Variants in RBBP8 observed in about 807,000 individuals in gnomAD.
The protein encoded by RBBP8 is DNA endonuclease RBBP8.
Under a neutral mutation model 108.3 loss-of-function variants are expected in RBBP8, and 88 were observed. That is an observed-to-expected ratio of 0.81 (90% CI 0.68 to 0.97). RBBP8 has a LOEUF of 0.97. RBBP8 is among the 50% of genes least tolerant of loss of function. The pLI is 0.00. For missense variants in RBBP8, 1,023 were observed against 1,049.0 expected (o/e 0.98, Z 0.34); for synonymous variants, 332 against 348.2 (o/e 0.95, Z 0.52).
At chr18:22,924,575 C>G (rs561986622) in intron 3 of RBBP8, among the ~76,000 whole-genome samples, 6 of 152,138 alleles carry the variant, frequency 3.9e-5, no homozygotes, top group Admixed American at 6.5e-5. Flanking sequence ...GCATACACAC[C>G]GTACCTGGCT....
intron 6 of RBBP8, among the ~76,000 whole-genome samples, chr18:22,976,609 T>A (rs1174236662): frequency 6.6e-6 from 1 of 152,134 alleles, no homozygotes; most frequent in Non-Finnish European, 1.5e-5. Flanking sequence ...TGTATATATG[T>A]TCTGTATTAC....
intron 2 of RBBP8, among the ~76,000 whole-genome samples, chr18:22,940,156 C>A (rs1205998398): frequency 6.6e-6 from 1 of 151,882 alleles, no homozygotes; most frequent in Non-Finnish European, 1.5e-5. Context: ...GACTTTAGGA[C>A]AGATTTCTCT....
chr18:22,937,025 T>C, intron 2 of RBBP8, 65 bp downstream of exon 2: 1 of 1,601,514 alleles, frequency 6.2e-7, no homozygotes, highest in East Asian at 2.2e-5. Flanking sequence ...TTGTATACCT[T>C]TGTATGACAG....
chr18:22,971,790 C>T (rs1406254690), intron 5 of RBBP8, among the ~76,000 whole-genome samples: 11 of 151,406 alleles, frequency 7.3e-5, no homozygotes, highest in African/African-American at 2.4e-4. Context: ...GGATTACAGG[C>T]GCCCACCACC....
chr18:22,949,834 CT>C, intron 4 of RBBP8, 121 bp downstream of exon 4: 1 of 704,376 alleles, frequency 1.4e-6, no homozygotes, highest in East Asian at 2.6e-5. Context: ...CTTCTCTCAC[CT>C]TTGAATGAAT....
chr18:22,916,959 GT>G (rs1046515932), exon 3 of RBBP8: 1 of 152,084 alleles, frequency 6.6e-6, no homozygotes, highest in African/African-American at 2.4e-5. Context: ...GGAAAATTTT[GT>G]TATGAAGACA....
At chr18:22,958,340 T>C (rs1246994634) in intron 4 of RBBP8, among the ~76,000 whole-genome samples, 1 of 152,272 alleles carries the variant, frequency 6.6e-6, no homozygotes, top group Non-Finnish European at 1.5e-5. Flanking sequence ...TTGTTTCTAA[T>C]GTCCAGATGA....
chr18:22,935,463 ATATT>A (rs1332399641), intron 1 of RBBP8, among the ~76,000 whole-genome samples: 6 of 151,732 alleles, frequency 4.0e-5, no homozygotes, highest in African/African-American at 1.4e-4. Flanking sequence ...AATCCAGCTC[ATATT>A]TAGTTTCTGG....
At chr18:23,017,402 C>G (rs1316528252) in intron 17 of RBBP8, among the ~76,000 whole-genome samples, 2 of 147,692 alleles carry the variant, frequency 1.4e-5, no homozygotes, top group African/African-American at 2.5e-5. Context: ...ACCTGTAATC[C>G]CAGCACTTTG....
intron 4 of RBBP8, chr18:22,950,105 C>T (rs1911909215): frequency 5.7e-6 from 1 of 175,714 alleles, no homozygotes; most frequent in African/African-American, 2.4e-5. Flanking sequence ...TTGAGGGAGT[C>T]TAGGGATCTT....
chr18:22,968,669 G>A, intron 4 of RBBP8, 137 bp from the exon 5 acceptor site: 3 of 686,158 alleles, frequency 4.4e-6, no homozygotes, highest in Non-Finnish European at 7.9e-6. Flanking sequence ...ATATGTTAAA[G>A]GTATAATAAC....
At chr18:23,004,056 C>CAAAAAAAAAAAAAAAAAAAAAA (rs34653966) in intron 15 of RBBP8, among the ~76,000 whole-genome samples, 1 of 69,656 alleles carries the variant, frequency 1.4e-5, no homozygotes, top group Non-Finnish European at 3.2e-5. Flanking sequence ...GACCCCGTCT[C>CAAAAAAAAAAAAAAAAAAAAAA]AAAAAAAAAA....
At chr18:22,979,832 A>C (rs937597984) in intron 6 of RBBP8, among the ~76,000 whole-genome samples, 8 of 152,216 alleles carry the variant, frequency 5.3e-5, no homozygotes, top group African/African-American at 1.4e-4. Context: ...CTATTCACTC[A>C]ACAAATGTTT....
chr18:22,936,754 G>T lies in RBBP8; in HGVS notation c.-98G>T. ...TTTATGTTGCAATCTGTCATTTCAGGTATTTGACCTGTCCAAAGACGACTT... is the reference window on the plus strand; with the variant it reads ...TTTATGTTGCAATCTGTCATTTCAGTTATTTGACCTGTCCAAAGACGACTT... On this transcript the variant is annotated splice_region_variant and 5_prime_UTR_variant, in exon 2 of 19. Coordinates refer to ENST00000327155, the MANE Select transcript of RBBP8 (RefSeq NM_002894.3). The T allele has an allele frequency of 7.5e-7, 1 of 1,336,884 alleles. No homozygotes were observed. 82.8% of individuals were successfully genotyped at this position (1,336,884 alleles called of 1,614,324 possible).
chr18:23,014,950 A>G (rs918919719), intron 16 of RBBP8, among the ~76,000 whole-genome samples: 3 of 152,142 alleles, frequency 2.0e-5, no homozygotes, highest in African/African-American at 7.2e-5. Context: ...CAATGGCACA[A>G]TCATTATTCA....
At chr18:22,993,956 C>T (rs1036599797) in intron 12 of RBBP8, 109 bp downstream of exon 12, 3 of 1,145,162 alleles carry the variant, frequency 2.6e-6, no homozygotes, top group Admixed American at 4.2e-5. Flanking sequence ...CTTATTTCTT[C>T]CTTCAGGTGT....
intron 4 of RBBP8, among the ~76,000 whole-genome samples, chr18:22,962,442 G>A (rs1210693997): frequency 5.3e-5 from 8 of 152,064 alleles, no homozygotes; most frequent in Admixed American, 5.2e-4. Context: ...TCACAGTGAA[G>A]TTTTTCTTCA....
intron 6 of RBBP8, among the ~76,000 whole-genome samples, chr18:22,978,321 T>G (rs1386267647): frequency 6.6e-6 from 1 of 152,194 alleles, no homozygotes; most frequent in East Asian, 1.9e-4. Flanking sequence ...GGAGGACAAG[T>G]GTGCATAATT....
At chr18:22,979,040 G>A (rs151098221) in intron 6 of RBBP8, among the ~76,000 whole-genome samples, 146 of 152,292 alleles carry the variant, frequency 9.6e-4, no homozygotes, top group Non-Finnish European at 1.5e-3. Context: ...GGCCAAGGTG[G>A]GCAGATCACT....
Sources: gnomAD v4.1 joint callset for allele counts (sites outside exome capture counted in the v4.1 genomes callset) on GRCh38, gnomAD v4.1.1 for gene constraint, MANE v1.5 for transcripts, NCBI Gene and HGNC (gene_info 2026-07-23, HGNC 2026-07-21) for gene names.